Variants in MSL2 observed in about 807,000 individuals in gnomAD.
MSL2 encodes E3 ubiquitin-protein ligase MSL2.
A neutral mutation model predicts 35.8 loss-of-function variants in MSL2; 2 were observed. That is an observed-to-expected ratio of 0.06 (90% confidence interval 0.02 to 0.18). MSL2 has a LOEUF of 0.18. Among genes scored for constraint, MSL2 ranks in the 10% least tolerant of loss-of-function variants. MSL2 has a pLI of 1.00. For synonymous variants in MSL2, 296 were observed against 255.7 expected, an observed-to-expected ratio of 1.16 and a Z score of -1.50; for missense variants, 523 against 706.7, an observed-to-expected ratio of 0.74 and a Z score of 2.95.
chr3:136,190,000 G>A (rs998915903), intron 1 of MSL2, among the ~76,000 whole-genome samples: 6 of 151,992 alleles, frequency 3.9e-5, no homozygotes, highest in African/African-American at 1.5e-4. Flanking sequence ...AGGATCACCT[G>A]GACCCGGGAG....
chr3:136,169,459 T>G (rs577029604), intron 1 of MSL2, among the ~76,000 whole-genome samples: 96 of 151,742 alleles, frequency 6.3e-4, no homozygotes, highest in African/African-American at 2.2e-3. Flanking sequence ...GTTTTTTGTG[T>G]TTTTTTTGAG....
In MSL2 at chr3:136,159,938, T is replaced by G. The variant is rs1939653283; in HGVS notation, c.143-7200A>C. Among the ~76,000 whole-genome samples the G allele has an allele frequency of 3.9e-5, 6 of 151,914 alleles. No homozygotes were observed. In the South Asian group the frequency reaches 1.2e-3, roughly 32 times the overall value. On this transcript the variant is annotated intron_variant, in intron 1 of 1. Coordinates refer to ENST00000309993, the MANE Select transcript of MSL2 (RefSeq NM_018133.4). ...AATAGTTAAATGGATTTTCTCAAAA[T>G]TAAAAACTTACTGTGCTTCAACAAA...
intron 1 of MSL2, among the ~76,000 whole-genome samples, chr3:136,169,232 G>A (rs1187401519): frequency 4.5e-5 from 2 of 44,080 alleles, no homozygotes; most frequent in African/African-American, 7.6e-5. Flanking sequence ...TTGTTTTGGC[G>A]GGGGGGGGGG....
At chr3:136,153,288 C>A (rs183296404) in intron 1 of MSL2, among the ~76,000 whole-genome samples, 1 of 152,126 alleles carries the variant, frequency 6.6e-6, no homozygotes, top group South Asian at 2.1e-4. Context: ...GGCAATGCTA[C>A]AACATGCTGA....
At chr3:136,169,507 G>A (rs931690897) in intron 1 of MSL2, among the ~76,000 whole-genome samples, 3 of 152,024 alleles carry the variant, frequency 2.0e-5, no homozygotes, top group Non-Finnish European at 4.4e-5. Flanking sequence ...GCAGTGGAGT[G>A]GCATAATCTG....
chr3:136,152,944 T>G (rs1015739520), intron 1 of MSL2: 5 of 985,320 alleles, frequency 5.1e-6, no homozygotes, highest in African/African-American at 3.5e-5. Flanking sequence ...TTCAGTTATC[T>G]CAAACCAAAA....
rs568193421 is a variant in MSL2, at chr3:136,149,689, G to A, written c.*1458C>T. On this transcript the variant is annotated 3_prime_UTR_variant, in exon 2 of 2. Transcript: ENST00000309993. ...ACCAGGATACACTACAAAACAGAAG[G>A]AGGTGTCATCTGCTCTGTGTCCAAA... The A allele has an allele frequency of 6.6e-6, 1 of 151,852 alleles. No individual in the cohort carries two copies. Among genetic ancestry groups the A allele is most frequent in the South Asian group, 2.1e-4 (1 of 4,810 alleles). The allele number at this position is 151,852 out of a possible 1,614,324, so 9.4% of individuals were successfully genotyped here.
chr3:136,190,988 A>C (rs1358357198), intron 1 of MSL2, among the ~76,000 whole-genome samples: 1 of 152,222 alleles, frequency 6.6e-6, no homozygotes, highest in African/African-American at 2.4e-5. Context: ...CAGCTAATTA[A>C]CATATCAAAG....
intron 1 of MSL2, among the ~76,000 whole-genome samples, chr3:136,182,671 G>A (rs537807707): frequency 6.6e-6 from 1 of 150,444 alleles, no homozygotes; most frequent in East Asian, 1.9e-4. Flanking sequence ...GAGGTCCAGC[G>A]CACCACTGCA....
intron 1 of MSL2, among the ~76,000 whole-genome samples, chr3:136,176,472 G>C (rs1448666887): frequency 6.9e-6 from 1 of 143,988 alleles, no homozygotes; most frequent in South Asian, 2.2e-4. Flanking sequence ...CCAAGATCGT[G>C]TCACTGCACT....
chr3:136,179,172 G>T (rs1461032882), intron 1 of MSL2, among the ~76,000 whole-genome samples: 1 of 151,412 alleles, frequency 6.6e-6, no homozygotes, highest in Non-Finnish European at 1.5e-5. Flanking sequence ...TTTGGTCACA[G>T]GTGTTCACTT....
chr3:136,179,344 C>A (rs1048559250), intron 1 of MSL2, among the ~76,000 whole-genome samples: 1 of 152,022 alleles, frequency 6.6e-6, no homozygotes, highest in Admixed American at 6.6e-5. Flanking sequence ...GGACCACCAT[C>A]CTTAATGTTT....
intron 1 of MSL2, chr3:136,153,141 G>T: frequency 1.3e-6 from 1 of 795,820 alleles, no homozygotes. Context: ...TCAGGAGGCT[G>T]AGGTGATGGC....
intron 1 of MSL2, among the ~76,000 whole-genome samples, chr3:136,182,470 C>T (rs1940396213): frequency 6.6e-6 from 1 of 152,066 alleles, no homozygotes; most frequent in African/African-American, 2.4e-5. Context: ...AAATATAAAC[C>T]CTACAACCAT....
At position 136,192,800 on chromosome 3, in the gene MSL2, T is replaced by G. The variant is rs1402628910; in HGVS notation, c.142+2172A>C. Reference sequence around the variant, plus strand: ...ATGCATTATCTTCATGAAATAAGACTGCCCATCCACGAATTTGAATGCACT... The same window carrying G: ...ATGCATTATCTTCATGAAATAAGACGGCCCATCCACGAATTTGAATGCACT... On this transcript the variant is annotated intron_variant, in intron 1 of 1. Coordinates refer to ENST00000309993, the MANE Select transcript of MSL2 (RefSeq NM_018133.4). Among the ~76,000 whole-genome samples the G allele has an allele frequency of 2.6e-5, 4 of 152,206 alleles. No homozygotes were observed. The East Asian group carries it at 5.8e-4, about 22-fold the overall frequency.
chr3:136,194,408 C>G, intron 1 of MSL2: 1 of 985,308 alleles, frequency 1.0e-6, no homozygotes. Context: ...CTAAAAAGCA[C>G]TTCGAGTACC....
rs1940814398 is a variant in MSL2, at chr3:136,195,550, G to A, written c.-437C>T. ...AGGCCCCGGCCCCGTCTGAGGCGCG[G>A]CACGCTTCTCCCGGGCTGCAGGGCC... On this transcript the variant is annotated 5_prime_UTR_variant, in exon 1 of 2. Transcript: ENST00000309993. The A allele has an allele frequency of 1.0e-6, 1 of 1,000,300 alleles. No homozygotes were observed. The highest frequency in any genetic ancestry group is 1.2e-6 in the Non-Finnish European group (1 of 839,796). The allele number at this position is 1,000,300 out of a possible 1,614,324, so 62.0% of individuals were successfully genotyped here.
rs993248348 is a variant in MSL2 at position 136,149,134 on chromosome 3, A to C, written c.*2013T>G. ...TCCCATGCATCAAAAAAAAAAAAAA[A>C]CCCACAAGATTATCAAACTTGGGAA... On this transcript the variant is annotated 3_prime_UTR_variant, in exon 2 of 2. Transcript: ENST00000309993. The C allele has an allele frequency of 3.3e-5, 5 of 151,450 alleles. No homozygotes were observed. The highest frequency in any genetic ancestry group is 3.9e-4 in the East Asian group (2 of 5,190). The allele number at this position is 151,450 out of a possible 1,614,324, so 9.4% of individuals were successfully genotyped here. A position where few individuals can be genotyped will look rare whatever the true frequency, so the allele number is the denominator to read the frequency against.
chr3:136,162,425 T>TTA (rs1939735304), intron 1 of MSL2, among the ~76,000 whole-genome samples: 1 of 150,950 alleles, frequency 6.6e-6, no homozygotes, highest in Non-Finnish European at 1.5e-5. Flanking sequence ...CTACAAAAAA[T>TTA]AAAAAAAATT....
Sources: allele counts gnomAD v4.1 joint callset (sites outside exome capture counted in the v4.1 genomes callset), GRCh38; gene constraint gnomAD v4.1.1; transcripts MANE v1.5; gene names NCBI Gene and HGNC (gene_info 2026-07-23, HGNC 2026-07-21).